ANKRD30B: variants seen among roughly 807,000 people sequenced by gnomAD.
ANKRD30B encodes ankyrin repeat domain-containing protein 30B.
ANKRD30B carries 144 observed loss-of-function variants against 202.2 expected under a neutral mutation model. That is an observed-to-expected ratio of 0.71 (90% CI 0.62 to 0.82). The LOEUF (loss-of-function observed/expected upper bound fraction) is 0.82, where lower values mean the gene tolerates loss of function less well. Among genes scored for constraint, ANKRD30B ranks in the 40% least tolerant of loss-of-function variants. The probability of loss-of-function intolerance (pLI) is 0.00; values close to 1 mark genes in which losing one functional copy is unlikely to be tolerated. For synonymous variants in ANKRD30B, 508 were observed against 561.3 expected (o/e 0.91, Z 1.34); for missense variants, 1,487 against 1,669.1 (o/e 0.89, Z 1.90).
intron 1 of ANKRD30B, among the ~76,000 whole-genome samples, chr18:14,750,023 TAC>T (rs1434991221): frequency 5.9e-5 from 9 of 152,238 alleles, no homozygotes; most frequent in African/African-American, 1.9e-4. Context: ...AATGCCTATT[TAC>T]ACAGATACAT....
chr18:14,758,789 A>G (rs1914786474), intron 5 of ANKRD30B, among the ~76,000 whole-genome samples: 1 of 152,192 alleles, frequency 6.6e-6, no homozygotes, highest in African/African-American at 2.4e-5. Context: ...GTGAAAGTTT[A>G]AGACTGTACG....
the ANKRD30B span, among the ~76,000 whole-genome samples, chr18:14,873,473 C>T: frequency 3.0e-4 from 44 of 145,518 alleles, no homozygotes; most frequent in African/African-American, 9.7e-4. Context: ...TGCAGTGAGC[C>T]GAGATGGTGC....
rs1214243357 is a variant in ANKRD30B, at chr18:14,748,631, TGAA to T, written c.218_220del (p.Lys73del). 13 of 1,561,182 alleles carry T rather than the reference TGAA, an allele frequency of 8.3e-6. No homozygotes were observed. The highest frequency in any genetic ancestry group is 1.4e-5 in the African/African-American group (1 of 73,352). ...CCCGTCAACCTGAACAAAAGAGATA[TGAA>T]GAAGAGGTACCAGGCCCTGCCTGAG... On this transcript the variant is annotated inframe_deletion, in exon 1 of 44. Transcript: ENST00000690538.
chr18:14,889,903 A>C, the ANKRD30B span: 2 of 520,802 alleles, frequency 3.8e-6, no homozygotes, highest in Non-Finnish European at 6.8e-6. Flanking sequence ...AGATAAATTA[A>C]GTCCATTTTT....
intron 32 of ANKRD30B, among the ~76,000 whole-genome samples, chr18:14,824,399 G>A (rs1207863567): frequency 6.6e-6 from 1 of 151,916 alleles, no homozygotes; most frequent in Non-Finnish European, 1.5e-5. Context: ...TTTCGCCCAG[G>A]CTGGAGTGCA....
chr18:14,928,515 C>T, the ANKRD30B span, among the ~76,000 whole-genome samples: 15 of 152,194 alleles, frequency 9.9e-5, no homozygotes, highest in African/African-American at 3.1e-4. Flanking sequence ...TCAGATGGCC[C>T]GAGTAGGGAC....
chr18:14,936,824 C>T, the ANKRD30B span, among the ~76,000 whole-genome samples: 77 of 152,332 alleles, frequency 5.1e-4, no homozygotes, highest in African/African-American at 1.6e-3. Context: ...CAGACACAGA[C>T]AGTAAGCAAG....
At chr18:14,819,795 G>GCA (rs1368723124) in intron 30 of ANKRD30B, among the ~76,000 whole-genome samples, 175 of 152,254 alleles carry the variant, frequency 1.1e-3, no homozygotes, top group African/African-American at 3.9e-3. Flanking sequence ...GTCAGGTACT[G>GCA]TGATGCCTCC....
At chr18:14,807,026 A>G (rs1969565507) in intron 24 of ANKRD30B, among the ~76,000 whole-genome samples, 1 of 151,062 alleles carries the variant, frequency 6.6e-6, no homozygotes, top group Non-Finnish European at 1.5e-5. Flanking sequence ...CTTTTTTTCT[A>G]AAACACATAC....
intron 30 of ANKRD30B, among the ~76,000 whole-genome samples, chr18:14,818,202 C>T (rs537861180): frequency 9.9e-5 from 15 of 152,188 alleles, no homozygotes; most frequent in Non-Finnish European, 1.9e-4. Flanking sequence ...GTTTTAGCAA[C>T]TCGCATTGTA....
rs191562733 is a variant in ANKRD30B at position 14,777,711 on chromosome 18, G to T, written c.1330-274G>T. On this transcript the variant is annotated intron_variant, in intron 9 of 43. Coordinates refer to ENST00000690538, the MANE Select transcript of ANKRD30B (RefSeq NM_001367607.2). ...AATCCCAGTGCTTTGGGAGGCTGAG[G>T]CGGGCGGATCACTTGAGGTCAGGAG... Among the ~76,000 whole-genome samples the T allele has an allele frequency of 2.4e-3, 369 of 151,692 alleles. 3 individuals are homozygous for T. The highest frequency in any genetic ancestry group is 2.3e-3 in the Non-Finnish European group (157 of 67,808).
chr18:14,855,923 C>G (rs1448743515), downstream of ANKRD30B, among the ~76,000 whole-genome samples: 1 of 151,364 alleles, frequency 6.6e-6, no homozygotes, highest in Non-Finnish European at 1.5e-5. Flanking sequence ...TCCTCACCTC[C>G]CAGATGAGGC....
the ANKRD30B span, among the ~76,000 whole-genome samples, chr18:14,864,284 A>G: frequency 1.3e-5 from 2 of 152,078 alleles, no homozygotes; most frequent in South Asian, 2.1e-4. Context: ...GCAGTTTGCC[A>G]AGATCACACC....
chr18:14,910,238 C>G, the ANKRD30B span: 1 of 152,098 alleles, frequency 6.6e-6, no homozygotes, highest in South Asian at 2.1e-4. Flanking sequence ...CCTCTGCCAC[C>G]CTCCCACCTT....
intron 5 of ANKRD30B, chr18:14,759,228 G>A (rs1327343530): frequency 6.6e-6 from 1 of 152,152 alleles, no homozygotes; most frequent in East Asian, 1.9e-4. Flanking sequence ...TTGAAACAAT[G>A]TCAAGAAGGT....
At chr18:14,789,560 T>A (rs1037843343) in intron 15 of ANKRD30B, among the ~76,000 whole-genome samples, 10 of 152,226 alleles carry the variant, frequency 6.6e-5, no homozygotes, top group African/African-American at 2.4e-4. Context: ...CTTGAATTAC[T>A]TTTTGTATAA....
chr18:14,854,679 G>C (rs1214437919), downstream of ANKRD30B, among the ~76,000 whole-genome samples: 1 of 152,106 alleles, frequency 6.6e-6, no homozygotes, highest in East Asian at 1.9e-4. Context: ...AAATTTCCTT[G>C]TTTTGTGGAA....
At chr18:14,878,376 C>T in the ANKRD30B span, among the ~76,000 whole-genome samples, 2 of 123,290 alleles carry the variant, frequency 1.6e-5, no homozygotes, top group South Asian at 6.2e-4. Flanking sequence ...AAAAAAGGCA[C>T]CTACCCCATT....
the ANKRD30B span, among the ~76,000 whole-genome samples, chr18:14,925,193 G>T: frequency 6.6e-6 from 1 of 152,128 alleles, no homozygotes; most frequent in Admixed American, 6.5e-5. Context: ...GCTGGGTTTG[G>T]ATAGAGGCTG....
Sources: gnomAD v4.1 joint callset for allele counts (sites outside exome capture counted in the v4.1 genomes callset) on GRCh38, gnomAD v4.1.1 for gene constraint, MANE v1.5 for transcripts, NCBI Gene and HGNC (gene_info 2026-07-23, HGNC 2026-07-21) for gene names.